Variants in EGFLAM observed in about 807,000 individuals in gnomAD.
EGFLAM encodes pikachurin.
In EGFLAM, 79 loss-of-function variants were observed where a neutral mutation model predicts 113.1. The observed-to-expected ratio is 0.70, with a 90% CI of 0.58 to 0.84. The LOEUF (loss-of-function observed/expected upper bound fraction) is 0.84. Among genes scored for constraint, EGFLAM ranks in the 40% least tolerant of loss-of-function variants. EGFLAM has a pLI of 0.00. For missense variants in EGFLAM, 1,265 were observed against 1,291.6 expected, an observed-to-expected ratio of 0.98 and a Z score of 0.32; for synonymous variants, 504 against 487.6, an observed-to-expected ratio of 1.03 and a Z score of -0.44.
chr5:38,328,366 T>C lies in EGFLAM; in HGVS notation c.98-9154T>C, dbSNP rs567227421. Among the ~76,000 whole-genome samples the C allele has an allele frequency of 2.7e-4, 41 of 152,306 alleles. No homozygotes were observed. In the South Asian group the frequency reaches 3.7e-3, roughly 14 times the overall value. ...TTCCTCCAACACTGGGGATTGCAAT[T>C]CGACATGCGGGGACACAGATCCAAA... On this transcript the variant is annotated intron_variant, in intron 1 of 21. Transcript: ENST00000322350.
intron 1 of EGFLAM, among the ~76,000 whole-genome samples, chr5:38,304,116 C>G (rs1029823585): frequency 7.7e-6 from 1 of 129,408 alleles, no homozygotes; most frequent in Non-Finnish European, 1.6e-5. Context: ...GCAACAAGAA[C>G]AAAACTCCAT....
At chr5:38,411,298 T>C (rs1027685904) in intron 10 of EGFLAM, among the ~76,000 whole-genome samples, 1 of 151,710 alleles carries the variant, frequency 6.6e-6, no homozygotes, top group Admixed American at 6.6e-5. Flanking sequence ...TGTGGTGGCA[T>C]GCGCCTGTAG....
At chr5:38,282,730 C>T (rs548057076) in intron 1 of EGFLAM, 1 of 152,324 alleles carries the variant, frequency 6.6e-6, no homozygotes, top group Admixed American at 6.5e-5. Context: ...GTTCCTTCCT[C>T]ATACTAGGTT....
intron 1 of EGFLAM, among the ~76,000 whole-genome samples, chr5:38,310,987 C>T (rs1012331837): frequency 2.6e-4 from 40 of 152,102 alleles, no homozygotes; most frequent in Non-Finnish European, 1.5e-4. Flanking sequence ...CACTGCCCTG[C>T]GACCCTTCCT....
intron 6 of EGFLAM, among the ~76,000 whole-genome samples, chr5:38,392,132 A>T (rs1740829873): frequency 6.6e-6 from 1 of 152,052 alleles, no homozygotes; most frequent in Admixed American, 6.5e-5. Flanking sequence ...GGTAGACCCC[A>T]GTGTCTATTG....
intron 1 of EGFLAM, among the ~76,000 whole-genome samples, chr5:38,291,168 T>C (rs1758320358): frequency 6.6e-6 from 1 of 152,226 alleles, no homozygotes; most frequent in South Asian, 2.1e-4. Flanking sequence ...GGGATACACT[T>C]AGAGATCTTT....
At chr5:38,461,458 C>T (rs531529859) in intron 20 of EGFLAM, 3 of 152,106 alleles carry the variant, frequency 2.0e-5, no homozygotes, top group African/African-American at 4.8e-5. Flanking sequence ...ATGAAAAACT[C>T]TTAGACTTTA....
intron 6 of EGFLAM, among the ~76,000 whole-genome samples, chr5:38,390,596 A>G (rs1032850338): frequency 2.6e-5 from 4 of 152,200 alleles, no homozygotes; most frequent in African/African-American, 4.8e-5. Context: ...TTTCACTGCT[A>G]TCTTCACTCC....
At chr5:38,376,825 C>T (rs1439355919) in intron 6 of EGFLAM, among the ~76,000 whole-genome samples, 2 of 152,114 alleles carry the variant, frequency 1.3e-5, no homozygotes, top group Non-Finnish European at 2.9e-5. Flanking sequence ...CACATACCAT[C>T]ACGCCTGACT....
intron 1 of EGFLAM, among the ~76,000 whole-genome samples, chr5:38,277,780 C>A (rs1268404062): frequency 6.7e-6 from 1 of 150,126 alleles, no homozygotes; most frequent in Non-Finnish European, 1.5e-5. Context: ...CAAAAAAAAT[C>A]TTGTGTATAA....
At chr5:38,422,431 G>A (rs1741859153) in intron 12 of EGFLAM, among the ~76,000 whole-genome samples, 1 of 152,166 alleles carries the variant, frequency 6.6e-6, no homozygotes, top group Admixed American at 6.5e-5. Flanking sequence ...CTTCTCAGTA[G>A]CCCAGGGATT....
intron 1 of EGFLAM, among the ~76,000 whole-genome samples, chr5:38,270,838 A>G (rs1757747206): frequency 6.6e-6 from 1 of 152,224 alleles, no homozygotes; most frequent in Non-Finnish European, 1.5e-5. Context: ...ATGTTAATGC[A>G]TATTAATTAG....
intron 5 of EGFLAM, among the ~76,000 whole-genome samples, chr5:38,365,553 A>T (rs960589027): frequency 6.6e-6 from 1 of 152,176 alleles, no homozygotes; most frequent in African/African-American, 2.4e-5. Flanking sequence ...TAGGGGGAAA[A>T]GTTCAGTGCA....
intron 3 of EGFLAM, among the ~76,000 whole-genome samples, chr5:38,349,473 G>T (rs1156445882): frequency 1.3e-5 from 2 of 152,156 alleles, no homozygotes; most frequent in African/African-American, 2.4e-5. Context: ...ATGCAAGATG[G>T]TTATATGTCA....
At chr5:38,412,319 G>A (rs1465044321) in intron 10 of EGFLAM, among the ~76,000 whole-genome samples, 185 bp from the exon 11 acceptor site, 1 of 152,166 alleles carries the variant, frequency 6.6e-6, no homozygotes, top group Non-Finnish European at 1.5e-5. Context: ...GACGGAGATC[G>A]TCCCCAGGAA....
At chr5:38,409,969 C>T (rs181617455) in intron 10 of EGFLAM, among the ~76,000 whole-genome samples, 3 of 152,242 alleles carry the variant, frequency 2.0e-5, no homozygotes, top group Admixed American at 2.0e-4. Context: ...TGTCCTTCTC[C>T]GTGGCGCACT....
chr5:38,362,962 A>G (rs1331747250), intron 5 of EGFLAM, among the ~76,000 whole-genome samples: 1 of 152,198 alleles, frequency 6.6e-6, no homozygotes, highest in African/African-American at 2.4e-5. Context: ...TAAACTGTAA[A>G]TGAAGTGTGC....
chr5:38,392,273 G>A (rs1047506100), intron 6 of EGFLAM, among the ~76,000 whole-genome samples: 1 of 152,148 alleles, frequency 6.6e-6, no homozygotes, highest in Non-Finnish European at 1.5e-5. Context: ...CCACATTTCT[G>A]CAAAAGACAT....
chr5:38,293,001 G>C (rs1036026419), intron 1 of EGFLAM, among the ~76,000 whole-genome samples: 1 of 152,200 alleles, frequency 6.6e-6, no homozygotes, highest in Non-Finnish European at 1.5e-5. Context: ...TTTTCTGTTT[G>C]TTTGTTTTTA....
Sources: gnomAD v4.1 joint callset for allele counts (sites outside exome capture counted in the v4.1 genomes callset) on GRCh38, gnomAD v4.1.1 for gene constraint, MANE v1.5 for transcripts, NCBI Gene and HGNC (gene_info 2026-07-23, HGNC 2026-07-21) for gene names.